The following TCF7L2 variants were observed in gnomAD, a reference collection of about 807,000 sequenced individuals.
TCF7L2 encodes transcription factor 7 like 2.
TCF7L2 carries 23 observed loss-of-function variants against 77.9 expected under a neutral mutation model. The observed-to-expected ratio is 0.30, with a 90% CI of 0.21 to 0.42. The LOEUF (loss-of-function observed/expected upper bound fraction) is 0.42, where lower values mean the gene tolerates loss of function less well. Ranked by LOEUF, TCF7L2 falls within the 10% of genes least tolerant of loss-of-function variation. The pLI is 1.00. For synonymous variants in TCF7L2, 413 were observed against 340.2 expected, an observed-to-expected ratio of 1.21 and a Z score of -2.36; for missense variants, 654 against 793.1, an observed-to-expected ratio of 0.82 and a Z score of 2.11.
At chr10:113,121,399 G>A (rs1382316980) in intron 5 of TCF7L2, among the ~76,000 whole-genome samples, 2 of 152,148 alleles carry the variant, frequency 1.3e-5, no homozygotes, top group African/African-American at 2.4e-5. Context: ...CAGATTTGCC[G>A]CAAGGCCTGG....
chr10:113,054,969 T>C (rs534793688), intron 5 of TCF7L2, among the ~76,000 whole-genome samples: 34 of 152,356 alleles, frequency 2.2e-4, no homozygotes, highest in Non-Finnish European at 1.3e-4. Context: ...AACTGCTCTG[T>C]AGTATTTATT....
chr10:112,951,670 C>A (rs2031403208), intron 3 of TCF7L2, 63 bp downstream of exon 3: 3 of 1,007,182 alleles, frequency 3.0e-6, no homozygotes, highest in African/African-American at 3.6e-5. Context: ...CGCCGGGCCC[C>A]GCATGCGGCC....
intron 4 of TCF7L2, among the ~76,000 whole-genome samples, chr10:112,970,763 CCTT>C (rs2038067738): frequency 6.6e-6 from 1 of 152,214 alleles, no homozygotes; most frequent in South Asian, 2.1e-4. Context: ...AGTTCCCTGG[CCTT>C]CTTGTTTTCA....
intron 3 of TCF7L2, 70 bp downstream of exon 3, chr10:112,951,677 G>A (rs910050755): frequency 5.3e-6 from 5 of 939,446 alleles, no homozygotes; most frequent in Non-Finnish European, 6.3e-6. Context: ...CCCCGCATGC[G>A]GCCCCTGCCC....
intron 4 of TCF7L2, among the ~76,000 whole-genome samples, chr10:113,019,355 A>G (rs1312407210): frequency 1.3e-5 from 2 of 152,094 alleles, no homozygotes; most frequent in Non-Finnish European, 1.5e-5. Flanking sequence ...GGTCTCAGGA[A>G]TGTGTCCTCG....
rs972640359 is a variant in TCF7L2, at chr10:113,166,793, G to A, written c.*821G>A. 12 of 226,598 alleles carry A rather than the reference G, an allele frequency of 5.3e-5. No individual in the cohort carries two copies. The East Asian group carries it at 7.0e-4, about 13-fold the overall frequency. The allele number at this position is 226,598 out of a possible 1,614,324, so 14.0% of individuals were successfully genotyped here. A position where few individuals can be genotyped will look rare whatever the true frequency, so the allele number is the denominator to read the frequency against. On this transcript the variant is annotated 3_prime_UTR_variant, in exon 14 of 14. Transcript: ENST00000627217. ...GTTTTTAAGTTTATATATAAAATGT[G>A]TATATATATTTTTGTTTCCCCTTTT...
At chr10:113,126,496 C>G (rs1016583773) in intron 5 of TCF7L2, 1 of 944,824 alleles carries the variant, frequency 1.1e-6, no homozygotes, top group African/African-American at 1.8e-5. Context: ...AACAAAATAT[C>G]AGGCTTTGTT....
At chr10:112,995,462 C>A (rs2043298243) in intron 4 of TCF7L2, among the ~76,000 whole-genome samples, 1 of 152,134 alleles carries the variant, frequency 6.6e-6, no homozygotes, top group Non-Finnish European at 1.5e-5. Flanking sequence ...CACGTTCATG[C>A]AATTCCTTGG....
At chr10:113,104,697 C>T (rs1333001733) in intron 5 of TCF7L2, among the ~76,000 whole-genome samples, 4 of 137,016 alleles carry the variant, frequency 2.9e-5, no homozygotes, top group African/African-American at 1.1e-4. Context: ...CATTACTGAG[C>T]TCTACACCTG....
At chr10:113,135,206 C>G (rs1207228273) in intron 5 of TCF7L2, among the ~76,000 whole-genome samples, 2 of 152,094 alleles carry the variant, frequency 1.3e-5, no homozygotes, top group African/African-American at 4.8e-5. Context: ...GGGCGCTTGG[C>G]GATGAGGGTG....
chr10:113,010,335 C>T (rs2046247683), intron 4 of TCF7L2, among the ~76,000 whole-genome samples: 1 of 152,114 alleles, frequency 6.6e-6, no homozygotes, highest in African/African-American at 2.4e-5. Context: ...TTAGGTTCAC[C>T]TGGAGAGCTT....
intron 4 of TCF7L2, among the ~76,000 whole-genome samples, chr10:113,002,388 A>G (rs2044650759): frequency 2.0e-5 from 3 of 152,158 alleles, no homozygotes; most frequent in Admixed American, 6.5e-5. Flanking sequence ...GACATTTAGC[A>G]TGGCCAGTCA....
intron 5 of TCF7L2, chr10:113,126,065 G>A (rs2065543271): frequency 6.6e-6 from 1 of 151,108 alleles, no homozygotes; most frequent in South Asian, 2.1e-4. Flanking sequence ...ATATGTGTTA[G>A]GACCATTTGC....
chr10:113,073,527 A>AT (rs2058331129), intron 5 of TCF7L2, among the ~76,000 whole-genome samples: 1 of 149,470 alleles, frequency 6.7e-6, no homozygotes, highest in Non-Finnish European at 1.5e-5. Flanking sequence ...AAAAAAAAAA[A>AT]AAAAAATCAA....
Position 113,151,221 on chromosome 10 carries a change from G to A in TCF7L2, c.1001+98G>A, listed in dbSNP as rs201638954. 106 of 1,559,472 alleles carry A rather than the reference G, an allele frequency of 6.8e-5. No individual in the cohort carries two copies. The East Asian group carries it at 1.2e-3, about 18-fold the overall frequency. On this transcript the variant is annotated intron_variant, in intron 9 of 13. Transcript: ENST00000627217. This position sits in a 1 kb window ranked among gnomAD's most constrained non-coding sequence, Gnocchi z 5.2. ...TGGCTTTCTGCCTAAGGTTGGCCTCGTTTGGTTTGACTGCAGCCAATACCC... is the reference window on the plus strand; with the variant it reads ...TGGCTTTCTGCCTAAGGTTGGCCTCATTTGGTTTGACTGCAGCCAATACCC...
At chr10:113,108,082 C>T (rs1208354722) in intron 5 of TCF7L2, among the ~76,000 whole-genome samples, 2 of 152,166 alleles carry the variant, frequency 1.3e-5, no homozygotes, top group Non-Finnish European at 2.9e-5. Context: ...CCCTTTGCCC[C>T]CATACTTCCC....
intron 4 of TCF7L2, among the ~76,000 whole-genome samples, chr10:112,977,484 A>T (rs2039642432): frequency 6.6e-6 from 1 of 152,144 alleles, no homozygotes; most frequent in Non-Finnish European, 1.5e-5. Context: ...TCATCAAACT[A>T]ATTGTTGTTT....
chr10:113,005,660 T>G (rs578213945), intron 4 of TCF7L2, among the ~76,000 whole-genome samples: 113 of 152,256 alleles, frequency 7.4e-4, no homozygotes, highest in Non-Finnish European at 1.4e-3. Flanking sequence ...CTCCTTGTAC[T>G]TCGGGGTGAG....
Position 113,151,058 on chromosome 10 carries a change from G to A in TCF7L2, c.936G>A (p.Pro312=), listed in dbSNP as rs142028588. 2.1e-5 allele frequency: 34 copies of A among 1,613,920 alleles called. No individual in the cohort carries two copies. The highest frequency in any genetic ancestry group is 1.1e-4 in the African/African-American group (8 of 74,856). Residue 312 remains proline (P), a synonymous_variant, in exon 9 of 14, where the codon CCG becomes CCA. Transcript: ENST00000627217. The surrounding 1 kb of genome is among the most constrained non-coding windows in gnomAD (Gnocchi z 5.2). ...TACACACGACGGGCATTCCGCATCC[G>A]GCCATAGTCACACCAACAGTCAAAC... is the stretch of plus-strand genomic sequence containing the variant.
Sources: gnomAD v4.1 joint callset for allele counts (sites outside exome capture counted in the v4.1 genomes callset) on GRCh38, gnomAD v4.1.1 for gene constraint, Gnocchi (gnomAD v3.1) non-coding constraint, MANE v1.5 for transcripts, NCBI Gene and HGNC (gene_info 2026-07-23, HGNC 2026-07-21) for gene names.